The following OPRL1 variants were observed in gnomAD, a reference collection of about 807,000 sequenced individuals.
OPRL1 encodes opioid related nociceptin receptor 1.
A neutral mutation model predicts 15.5 loss-of-function variants in OPRL1; 5 were observed. The observed-to-expected ratio is 0.32, with a 90% CI of 0.17 to 0.68. OPRL1 has a LOEUF of 0.68. Ranked by LOEUF, OPRL1 falls within the 30% of genes least tolerant of loss-of-function variation. The pLI, the probability that OPRL1 is intolerant of heterozygous loss-of-function variation, is 0.72. For synonymous variants in OPRL1, 223 were observed against 230.2 expected (o/e 0.97, Z 0.28); for missense variants, 406 against 515.3 (o/e 0.79, Z 2.05).
rs1470488326 is a variant in OPRL1, at chr20:64,100,313, A to C, written c.*1514A>C. 1 of 152,094 alleles carries C rather than the reference A, an allele frequency of 6.6e-6. No homozygotes were observed. Among genetic ancestry groups the C allele is most frequent in the Non-Finnish European group, 1.5e-5 (1 of 68,032 alleles). The allele number at this position is 152,094 out of a possible 1,614,324, so 9.4% of individuals were successfully genotyped here. On this transcript the variant is annotated 3_prime_UTR_variant, in exon 5 of 5. Coordinates refer to ENST00000336866, the MANE Select transcript of OPRL1 (RefSeq NM_182647.4). ...AGGTAACCTACCTTAGGCACCTGCA[A>C]AGAACAGGAAGTGATGGCTGTCTCG... is the stretch of plus-strand genomic sequence containing the variant.
At chr20:64,093,332 A>G (rs1452871271) in intron 3 of OPRL1, among the ~76,000 whole-genome samples, 2 of 149,364 alleles carry the variant, frequency 1.3e-5, no homozygotes, top group African/African-American at 5.0e-5. Context: ...AGGGAGGCGC[A>G]GGGGCTGGAG....
chr20:64,083,382 G>T lies in OPRL1; in HGVS notation c.-185+3030G>T. ...GCAAAAAGACCAGCGAGCCTTCGGA[G>T]AATTATAACTTTATGTGGGAGGCTG... is the stretch of plus-strand genomic sequence containing the variant. On this transcript the variant is annotated intron_variant, in intron 1 of 4. Transcript: ENST00000336866. This position sits in a 1 kb window ranked among gnomAD's most constrained non-coding sequence, Gnocchi z 4.9. The T allele has an allele frequency of 6.2e-7, 1 of 1,610,358 alleles. No individual in the cohort carries two copies. The highest frequency in any genetic ancestry group is 8.5e-7 in the Non-Finnish European group (1 of 1,178,938).
Position 64,089,785 on chromosome 20 carries a change from C to G in OPRL1, c.-184-2181C>G, listed in dbSNP as rs967282268. On this transcript the variant is annotated intron_variant, in intron 1 of 4. Coordinates refer to ENST00000336866, the MANE Select transcript of OPRL1 (RefSeq NM_182647.4). This position sits in a 1 kb window ranked among gnomAD's most constrained non-coding sequence, Gnocchi z 5.5. ...GTTGGGCTCCTTTGTCCTTCCCTTA[C>G]GAGGTCTCTGCTCTGCCCACCCTCA... 6.6e-6 allele frequency among the ~76,000 whole-genome samples: 1 copy of G among 152,206 alleles called. No homozygotes were observed. The highest frequency in any genetic ancestry group is 2.4e-5 in the African/African-American group (1 of 41,454).
At chr20:64,081,537 G>A (rs905698005) in intron 1 of OPRL1, among the ~76,000 whole-genome samples, 1 of 152,148 alleles carries the variant, frequency 6.6e-6, no homozygotes, top group Non-Finnish European at 1.5e-5. Flanking sequence ...CTGGCCCCTT[G>A]GGCCTGCTCT....
chr20:64,090,036 G>T lies in OPRL1; in HGVS notation c.-184-1930G>T, dbSNP rs1271674777. 2.6e-5 allele frequency among the ~76,000 whole-genome samples: 4 copies of T among 152,200 alleles called. No homozygotes were observed. Among genetic ancestry groups the T allele is most frequent in the Admixed American group, 2.6e-4 (4 of 15,288 alleles). On this transcript the variant is annotated intron_variant, in intron 1 of 4. Transcript: ENST00000336866. This position sits in a 1 kb window ranked among gnomAD's most constrained non-coding sequence, Gnocchi z 4.9. ...TGTTTGTGCATGTGTGTGTCCTCTG[G>T]GTGTCGGAGGGCCTTGGTCTGTGTC... is the stretch of plus-strand genomic sequence containing the variant.
intron 1 of OPRL1, among the ~76,000 whole-genome samples, chr20:64,081,137 G>A (rs1322376690): frequency 6.6e-6 from 1 of 151,462 alleles, no homozygotes; most frequent in Non-Finnish European, 1.5e-5. Flanking sequence ...GGGGGCGGGG[G>A]CCCGAAGGGG....
chr20:64,097,843 A>T lies in OPRL1; in HGVS notation c.275A>T (p.Asn92Ile). The change falls in exon 4 of 5, where the codon AAC becomes ATC. Residue 92 changes from asparagine (N) to isoleucine (I), a missense_variant. Asn to Ile is a moderately radical substitution (Grantham distance 149). Coordinates refer to ENST00000336866, the MANE Select transcript of OPRL1 (RefSeq NM_182647.4). The surrounding 1 kb of genome is among the most constrained non-coding windows in gnomAD (Gnocchi z 4.2). ...MKTATNIYIF[N>I]LALADTLVLL... is the part of the protein sequence containing the mutation. ...ACAGCCACCAATATTTACATCTTTA[A>T]CCTGGCCCTGGCCGACACTCTGGTC... 1 of 1,613,458 alleles carries T rather than the reference A, an allele frequency of 6.2e-7. No homozygotes were observed. The highest frequency in any genetic ancestry group is 8.5e-7 in the Non-Finnish European group (1 of 1,179,962).
chr20:64,087,135 G>A (rs951355038), intron 1 of OPRL1, among the ~76,000 whole-genome samples: 15 of 151,286 alleles, frequency 9.9e-5, no homozygotes, highest in African/African-American at 3.7e-4. Flanking sequence ...GTCATCGTTC[G>A]TGTCTTGGGC....
intron 3 of OPRL1, among the ~76,000 whole-genome samples, chr20:64,096,589 C>T (rs1979134818): frequency 6.6e-6 from 1 of 152,064 alleles, no homozygotes; most frequent in Non-Finnish European, 1.5e-5. Context: ...TTCATAATCC[C>T]TCTCTAACAG....
chr20:64,082,792 G>A (rs1241310369), intron 1 of OPRL1, among the ~76,000 whole-genome samples: 1 of 148,084 alleles, frequency 6.8e-6, no homozygotes, highest in African/African-American at 2.5e-5. Flanking sequence ...TACTGCATGC[G>A]TGAGTGTGTG....
chr20:64,092,572 T>A, intron 2 of OPRL1, 116 bp from the exon 3 acceptor site: 1 of 700,842 alleles, frequency 1.4e-6, no homozygotes, highest in Non-Finnish European at 2.4e-6. Flanking sequence ...CCTCAGTGTC[T>A]GTGGCTGCCC....
intron 3 of OPRL1, among the ~76,000 whole-genome samples, chr20:64,096,082 G>C (rs1979078990): frequency 6.6e-6 from 1 of 152,176 alleles, no homozygotes; most frequent in Admixed American, 6.5e-5. Context: ...TGGCGGGCGT[G>C]TCACGGCTGA....
In OPRL1 at chr20:64,080,107, C is replaced by T. The variant is rs892303311; in HGVS notation, c.-430C>T. The stretch of plus-strand genomic sequence containing the variant: ...ACCCGCCCCGCCCGCGCGTCGGCCC[C>T]CACAGTCGCCTGGGGGTGGCCCGGA... On this transcript the variant is annotated 5_prime_UTR_variant, in exon 1 of 5. Transcript: ENST00000336866. 6.6e-6 allele frequency: 1 copy of T among 151,360 alleles called. No individual in the cohort carries two copies. The highest frequency in any genetic ancestry group is 2.4e-5 in the African/African-American group (1 of 41,282). 9.4% of individuals were successfully genotyped at this position (151,360 alleles called of 1,614,324 possible). A position where few individuals can be genotyped will look rare whatever the true frequency, so the allele number is the denominator to read the frequency against.
Position 64,097,244 on chromosome 20 carries a change from C to A in OPRL1, c.234-558C>A, listed in dbSNP as rs1019391508. On this transcript the variant is annotated intron_variant, in intron 3 of 4. Transcript: ENST00000336866. The surrounding 1 kb of genome is among the most constrained non-coding windows in gnomAD (Gnocchi z 4.2). ...GCACCATTTCAGGTGCTTGGATACA[C>A]TCATACCTTATTAGCATCCCTCCTG... Among the ~76,000 whole-genome samples, 5 of 152,278 alleles carry A rather than the reference C, an allele frequency of 3.3e-5. No individual in the cohort carries two copies. In the East Asian group the frequency reaches 5.8e-4, roughly 18 times the overall value.
chr20:64,097,407 C>G lies in OPRL1; in HGVS notation c.234-395C>G, dbSNP rs1004677790. 3.5e-4 allele frequency among the ~76,000 whole-genome samples: 53 copies of G among 152,090 alleles called. No homozygotes were observed. The highest frequency in any genetic ancestry group is 1.2e-3 in the African/African-American group (50 of 41,398). On this transcript the variant is annotated intron_variant, in intron 3 of 4. Coordinates refer to ENST00000336866, the MANE Select transcript of OPRL1 (RefSeq NM_182647.4). This position sits in a 1 kb window ranked among gnomAD's most constrained non-coding sequence, Gnocchi z 4.2. ...GTCAGCATTTGAGTCTGTGAGGGGT[C>G]ATGGAGGGGACTCAAAAGCAAGGGG...
intron 1 of OPRL1, among the ~76,000 whole-genome samples, chr20:64,081,786 C>A (rs2059970753): frequency 6.6e-6 from 1 of 152,178 alleles, no homozygotes; most frequent in Non-Finnish European, 1.5e-5. Context: ...ACCCCCTGCG[C>A]CTTTTCATGG....
At position 64,097,055 on chromosome 20, in the gene OPRL1, T is replaced by C. The variant is rs116261504; in HGVS notation, c.234-747T>C. 0.35 allele frequency among the ~76,000 whole-genome samples: 16 copies of C among 46 alleles called. 2 individuals carry two copies. The highest frequency in any genetic ancestry group is 0.43 in the Non-Finnish European group (6 of 14). 0.0% of individuals were successfully genotyped at this position (46 alleles called of 152,430 possible). ...ACAGTCATCACCATCATCACCATCA[T>C]CATCATCACCACTACCATCACGCTC... On this transcript the variant is annotated intron_variant, in intron 3 of 4. Coordinates refer to ENST00000336866, the MANE Select transcript of OPRL1 (RefSeq NM_182647.4). The surrounding 1 kb of genome is among the most constrained non-coding windows in gnomAD (Gnocchi z 4.2).
chr20:64,095,393 G>A (rs1296173678), intron 3 of OPRL1, among the ~76,000 whole-genome samples: 1 of 142,756 alleles, frequency 7.0e-6, no homozygotes, highest in Non-Finnish European at 1.5e-5. Flanking sequence ...GCACAGCATG[G>A]GGGGCAGCGT....
intron 1 of OPRL1, among the ~76,000 whole-genome samples, chr20:64,081,979 C>T (rs890676468): frequency 6.6e-6 from 1 of 152,128 alleles, no homozygotes; most frequent in Non-Finnish European, 1.5e-5. Context: ...GCACCAAGAC[C>T]CTTATTTTAA....
Sources: allele counts gnomAD v4.1 joint callset (sites outside exome capture counted in the v4.1 genomes callset), GRCh38; gene constraint gnomAD v4.1.1; non-coding constraint Gnocchi (gnomAD v3.1); transcripts MANE v1.5; gene names NCBI Gene and HGNC (gene_info 2026-07-23, HGNC 2026-07-21).